FAF1: variants seen among roughly 807,000 people sequenced by gnomAD.
The protein encoded by FAF1 is Fas associated factor 1, also known as FAS-associated factor 1.
FAF1 carries 25 observed loss-of-function variants against 92.5 expected under a neutral mutation model. That is an observed-to-expected ratio of 0.27 (90% CI 0.20 to 0.38). FAF1 has a LOEUF of 0.38. Ranked by LOEUF, FAF1 falls within the 10% of genes least tolerant of loss-of-function variation. The pLI, the probability that FAF1 is intolerant of heterozygous loss-of-function variation, is 1.00. For synonymous variants in FAF1, 234 were observed against 273.2 expected, an observed-to-expected ratio of 0.86 and a Z score of 1.42; for missense variants, 636 against 793.3, an observed-to-expected ratio of 0.80 and a Z score of 2.38.
At chr1:50,619,978 G>A (rs1223483489) in intron 8 of FAF1, among the ~76,000 whole-genome samples, 2 of 147,396 alleles carry the variant, frequency 1.4e-5, no homozygotes, top group Middle Eastern at 3.6e-3. Context: ...GCACAATCTC[G>A]GCTCACTGCA....
At chr1:50,484,052 A>T (rs12116432) in intron 17 of FAF1, among the ~76,000 whole-genome samples, 7,296 of 152,266 alleles carry the variant, frequency 0.048, 213 homozygotes, top group East Asian at 0.075. Context: ...TCTGGGAGTC[A>T]AACGTATAGA....
At chr1:50,668,717 A>G (rs1655740792) in intron 7 of FAF1, among the ~76,000 whole-genome samples, 1 of 152,174 alleles carries the variant, frequency 6.6e-6, no homozygotes, top group Non-Finnish European at 1.5e-5. Flanking sequence ...TTTAATTAAG[A>G]AAGTAAAACC....
intron 1 of FAF1, among the ~76,000 whole-genome samples, chr1:50,866,071 C>T (rs1012388905): frequency 6.6e-6 from 1 of 151,928 alleles, no homozygotes; most frequent in Non-Finnish European, 1.5e-5. Context: ...ATGTGATACA[C>T]CACATAAACA....
At chr1:50,657,516 T>A (rs1170893194) in intron 7 of FAF1, among the ~76,000 whole-genome samples, 1 of 151,810 alleles carries the variant, frequency 6.6e-6, no homozygotes, top group East Asian at 2.0e-4. Context: ...GAGCCACGAC[T>A]GTGCCACTGA....
At position 50,904,922 on chromosome 1, in the gene FAF1, A is replaced by C. The variant is rs1644823838; in HGVS notation, c.46-46925T>G. Among the ~76,000 whole-genome samples, 5 of 149,944 alleles carry C rather than the reference A, an allele frequency of 3.3e-5. No homozygotes were observed. In the Admixed American group the frequency reaches 3.3e-4, roughly 10 times the overall value. On this transcript the variant is annotated intron_variant, in intron 1 of 18. Transcript: ENST00000396153. ...TTTAATATACTTTAAGTTCTAGGGT[A>C]CTTGTGCACAATGTGCAGGTTTGTT...
intron 1 of FAF1, among the ~76,000 whole-genome samples, chr1:50,894,086 G>A (rs1394917927): frequency 6.6e-6 from 1 of 152,028 alleles, no homozygotes; most frequent in Admixed American, 6.6e-5. Flanking sequence ...AACCCTTGAA[G>A]CCAGGAGTTC....
At chr1:50,743,287 G>C (rs1659458115) in intron 5 of FAF1, among the ~76,000 whole-genome samples, 1 of 152,232 alleles carries the variant, frequency 6.6e-6, no homozygotes, top group East Asian at 1.9e-4. Flanking sequence ...TCACGAAGAA[G>C]AACTGAACCA....
At chr1:50,711,063 C>T (rs941207520) in intron 6 of FAF1, among the ~76,000 whole-genome samples, 3 of 151,670 alleles carry the variant, frequency 2.0e-5, no homozygotes, top group Non-Finnish European at 2.9e-5. Context: ...ACACACACCA[C>T]CACATCCAGT....
At chr1:50,540,554 G>C (rs1250105861) in intron 13 of FAF1, among the ~76,000 whole-genome samples, 1 of 152,108 alleles carries the variant, frequency 6.6e-6, no homozygotes, top group Admixed American at 6.6e-5. Context: ...ACCAAAAAAA[G>C]CTCTGAGATA....
At chr1:50,881,736 T>G (rs113553568) in intron 1 of FAF1, among the ~76,000 whole-genome samples, 3,064 of 152,310 alleles carry the variant, frequency 0.02, 101 homozygotes, top group African/African-American at 0.071. Context: ...TCCCATTACA[T>G]GAGTGGTTTC....
chr1:50,733,053 A>C (rs1481207654), intron 6 of FAF1, among the ~76,000 whole-genome samples: 1 of 151,986 alleles, frequency 6.6e-6, no homozygotes, highest in Non-Finnish European at 1.5e-5. Flanking sequence ...ACCCCAACTC[A>C]GTTTCTCTAT....
intron 6 of FAF1, among the ~76,000 whole-genome samples, chr1:50,720,438 C>T (rs1658361114): frequency 6.6e-6 from 1 of 152,160 alleles, no homozygotes; most frequent in Non-Finnish European, 1.5e-5. Flanking sequence ...AATGAAATTA[C>T]TTTAAGAATA....
chr1:50,679,328 A>G (rs1656320043), intron 7 of FAF1, among the ~76,000 whole-genome samples: 1 of 151,852 alleles, frequency 6.6e-6, no homozygotes. Context: ...AAGTACAAAA[A>G]AAAAGAATAG....
At chr1:50,851,332 C>G (rs867341713) in intron 2 of FAF1, among the ~76,000 whole-genome samples, 2 of 152,150 alleles carry the variant, frequency 1.3e-5, no homozygotes, top group Non-Finnish European at 2.9e-5. Flanking sequence ...ATTGGCTTCC[C>G]AAAGTGCTGG....
chr1:50,611,370 T>G (rs553778164), intron 8 of FAF1, among the ~76,000 whole-genome samples: 2 of 152,254 alleles, frequency 1.3e-5, no homozygotes, highest in African/African-American at 4.8e-5. Flanking sequence ...CTCACACCCT[T>G]AAATGTGCTT....
chr1:50,548,650 C>T (rs984627652), intron 13 of FAF1, among the ~76,000 whole-genome samples: 2 of 152,190 alleles, frequency 1.3e-5, no homozygotes, highest in Non-Finnish European at 2.9e-5. Context: ...GGTGTTGGTC[C>T]ACAAGTTTAT....
rs1393638568 is a variant in FAF1, at chr1:50,437,169, G to T, written c.*4271C>A. ...AGACAAGGACAAAATACTAAATGCA[G>T]AGATATTCAAGGCAAGAAAGTCTAG... On this transcript the variant is annotated 3_prime_UTR_variant, in exon 19 of 19. Coordinates refer to ENST00000396153, the MANE Select transcript of FAF1 (RefSeq NM_007051.3). The T allele has an allele frequency of 6.6e-6, 1 of 152,220 alleles. No individual in the cohort carries two copies. The highest frequency in any genetic ancestry group is 2.4e-5 in the African/African-American group (1 of 41,458). The allele number at this position is 152,220 out of a possible 1,614,324, so 9.4% of individuals were successfully genotyped here.
chr1:50,863,194 A>T (rs948619755), intron 1 of FAF1, among the ~76,000 whole-genome samples: 1 of 152,000 alleles, frequency 6.6e-6, no homozygotes, highest in Non-Finnish European at 1.5e-5. Flanking sequence ...TAAAATTGGA[A>T]ATCGACTCCA....
chr1:50,743,869 G>A (rs547863081), intron 5 of FAF1, among the ~76,000 whole-genome samples: 6 of 151,422 alleles, frequency 4.0e-5, no homozygotes, highest in African/African-American at 1.5e-4. Flanking sequence ...TCAGGAGTTC[G>A]AGACCAGCCT....
Sources: gnomAD v4.1 joint callset for allele counts (sites outside exome capture counted in the v4.1 genomes callset) on GRCh38, gnomAD v4.1.1 for gene constraint, MANE v1.5 for transcripts, NCBI Gene and HGNC (gene_info 2026-07-23, HGNC 2026-07-21) for gene names.